SNX8: variants seen among roughly 807,000 people sequenced by gnomAD.
SNX8 encodes sorting nexin-8.
SNX8 carries 25 observed loss-of-function variants against 51.6 expected under a neutral mutation model. The ratio of observed to expected loss-of-function variants is 0.48; its 90% CI spans 0.35 to 0.68. SNX8 has a LOEUF of 0.68. Ranked by LOEUF, SNX8 falls within the 30% of genes least tolerant of loss-of-function variation. SNX8 has a pLI of 0.00. For synonymous variants in SNX8, 324 were observed against 277.0 expected (o/e 1.17, Z -1.68); for missense variants, 695 against 624.0 (o/e 1.11, Z -1.21).
At chr7:2,334,776 G>A (rs1778794701) in intron 1 of SNX8, among the ~76,000 whole-genome samples, 1 of 150,716 alleles carries the variant, frequency 6.6e-6, no homozygotes, top group African/African-American at 2.4e-5. Flanking sequence ...GGCTGAGGCA[G>A]GAGGATCACC....
intron 2 of SNX8, among the ~76,000 whole-genome samples, chr7:2,276,503 C>T (rs535210985): frequency 3.9e-5 from 6 of 152,286 alleles, no homozygotes; most frequent in South Asian, 2.1e-4. Context: ...GAGGGGAGAC[C>T]GGCTCGCTTG....
intron 1 of SNX8, among the ~76,000 whole-genome samples, chr7:2,329,666 G>A (rs777953581): frequency 1.3e-5 from 2 of 152,094 alleles, no homozygotes; most frequent in African/African-American, 2.4e-5. Flanking sequence ...GAAAGCTGAC[G>A]TCATGAAGCC....
chr7:2,253,081 C>T lies in SNX8; in HGVS notation c.*1975G>A, dbSNP rs908546943. 1 of 156,458 alleles carries T rather than the reference C, an allele frequency of 6.4e-6. No individual in the cohort carries two copies. Among genetic ancestry groups the T allele is most frequent in the African/African-American group, 2.4e-5 (1 of 41,392 alleles). 9.7% of individuals were successfully genotyped at this position (156,458 alleles called of 1,614,324 possible). On this transcript the variant is annotated 3_prime_UTR_variant, in exon 11 of 11. Transcript: ENST00000222990. ...TGCCCTCCAGCCTTCCACCTCCATC[C>T]TCAGCCTCTGGACATGAGGACCCTG...
At chr7:2,276,591 C>T (rs1196727757) in intron 2 of SNX8, among the ~76,000 whole-genome samples, 6 of 151,396 alleles carry the variant, frequency 4.0e-5, no homozygotes, top group Non-Finnish European at 7.4e-5. Flanking sequence ...CTGCTTGAGC[C>T]CAGGAGTTCG....
chr7:2,352,590 T>C (rs564741629), intron 1 of SNX8, among the ~76,000 whole-genome samples: 5 of 152,198 alleles, frequency 3.3e-5, no homozygotes, highest in South Asian at 2.1e-4. Flanking sequence ...CCCAGCACTT[T>C]GGGAGGCCGA....
intron 1 of SNX8, among the ~76,000 whole-genome samples, chr7:2,289,065 A>C (rs1796093546): frequency 6.6e-6 from 1 of 152,120 alleles, no homozygotes; most frequent in South Asian, 2.1e-4. Context: ...CCACGGTCGA[A>C]AGTCAGTTCC....
chr7:2,335,744 G>A (rs181599315), intron 1 of SNX8, among the ~76,000 whole-genome samples: 2,786 of 148,824 alleles, frequency 0.019, 89 homozygotes, highest in African/African-American at 0.061. Context: ...CGGAGCTTGC[G>A]GTGAGCCGAG....
intron 1 of SNX8, among the ~76,000 whole-genome samples, chr7:2,285,355 T>C (rs572048308): frequency 1.1e-4 from 17 of 151,978 alleles, no homozygotes; most frequent in East Asian, 9.7e-4. Context: ...CGCCACTGCA[T>C]TCCAGCCTGG....
At chr7:2,334,367 G>T (rs917963033) in intron 1 of SNX8, among the ~76,000 whole-genome samples, 2 of 150,412 alleles carry the variant, frequency 1.3e-5, no homozygotes, top group Non-Finnish European at 3.0e-5. Context: ...CGCACCACTG[G>T]ACTCCAGCCA....
chr7:2,255,204 C>A, intron 10 of SNX8, 35 bp from the exon 11 acceptor site: 4 of 1,316,346 alleles, frequency 3.0e-6, no homozygotes, highest in Non-Finnish European at 4.2e-6. Context: ...GATCAGCAGG[C>A]GGGGCCGGGG....
At chr7:2,293,761 G>A (rs898255838) in intron 1 of SNX8, among the ~76,000 whole-genome samples, 7 of 150,252 alleles carry the variant, frequency 4.7e-5, no homozygotes, top group Non-Finnish European at 8.9e-5. Context: ...TCAGGAGTTC[G>A]AGACCTGCCT....
intron 1 of SNX8, among the ~76,000 whole-genome samples, chr7:2,311,171 G>A (rs552098918): frequency 1.6e-4 from 25 of 152,014 alleles, no homozygotes; most frequent in Non-Finnish European, 3.2e-4. Context: ...TTTTTTTCTG[G>A]CAACACCGAA....
At chr7:2,319,100 A>C (rs543251136), upstream of SNX8, among the ~76,000 whole-genome samples, 1 of 152,104 alleles carries the variant, frequency 6.6e-6, no homozygotes, top group Admixed American at 6.6e-5. Flanking sequence ...GCACTTTGGG[A>C]GGCCGAGACC....
Position 2,331,050 on chromosome 7 carries a change from G to A in SNX8, c.-66+23172C>T, listed in dbSNP as rs1778724397. ...AAATACAAAAAATTAGCCAGGCATG[G>A]TGGCAGGCACCTGTAATTGCAGCTA... On this transcript the variant is annotated intron_variant, in intron 1 of 5. Coordinates refer to the SNX8 transcript ENST00000435336. Among the ~76,000 whole-genome samples the A allele has an allele frequency of 1.3e-5, 2 of 151,804 alleles. 1 individual carries two copies. Among genetic ancestry groups the A allele is most frequent in the South Asian group, 4.1e-4 (2 of 4,822 alleles).
chr7:2,321,286 A>G (rs1778507390), intron 1 of SNX8, among the ~76,000 whole-genome samples: 1 of 152,166 alleles, frequency 6.6e-6, no homozygotes, highest in African/African-American at 2.4e-5. Flanking sequence ...GTCTTCATAC[A>G]TCGTCAGCTC....
At chr7:2,269,904 G>A (rs1795601956) in intron 4 of SNX8, among the ~76,000 whole-genome samples, 1 of 152,090 alleles carries the variant, frequency 6.6e-6, no homozygotes, top group African/African-American at 2.4e-5. Context: ...CGCAGACGGG[G>A]GGCAGCTCTC....
At chr7:2,348,260 C>T (rs566034504) in intron 1 of SNX8, among the ~76,000 whole-genome samples, 45 of 151,516 alleles carry the variant, frequency 3.0e-4, no homozygotes, top group African/African-American at 9.8e-4. Context: ...CTAGCTCCCC[C>T]TCTAGCCTGC....
chr7:2,292,508 T>G (rs952925095), intron 1 of SNX8, among the ~76,000 whole-genome samples: 1 of 151,598 alleles, frequency 6.6e-6, no homozygotes, highest in African/African-American at 2.4e-5. Context: ...GCCTCCCAGG[T>G]TCACGCCATT....
In SNX8 at chr7:2,330,301, A is replaced by G. The variant is rs565300473; in HGVS notation, c.-66+23921T>C. Among the ~76,000 whole-genome samples, 13 of 147,528 alleles carry G rather than the reference A, an allele frequency of 8.8e-5. No homozygotes were observed. In the South Asian group the frequency reaches 1.1e-3, roughly 12 times the overall value. On this transcript the variant is annotated intron_variant, in intron 1 of 5. Coordinates refer to the SNX8 transcript ENST00000435336. The stretch of plus-strand genomic sequence containing the variant: ...TACAGGTGCCCGCCACCACGTCCAG[A>G]TAATTTTTGTATTTTTAGTAGAGAC...
Sources: allele counts gnomAD v4.1 joint callset (sites outside exome capture counted in the v4.1 genomes callset), GRCh38; gene constraint gnomAD v4.1.1; transcripts MANE v1.5; gene names NCBI Gene and HGNC (gene_info 2026-07-23, HGNC 2026-07-21).